The following LUZP2 variants were observed in gnomAD, a reference collection of about 807,000 sequenced individuals.
LUZP2 encodes the protein leucine zipper protein 2.
Under a neutral mutation model 51.6 loss-of-function variants are expected in LUZP2, and 52 were observed. The ratio of observed to expected loss-of-function variants is 1.01; its 90% CI spans 0.81 to 1.27. LUZP2 has a LOEUF of 1.27. Ranked by LOEUF, LUZP2 falls within the 50% of genes most tolerant of loss-of-function variation. The pLI is 0.00. For synonymous variants in LUZP2, 154 were observed against 137.3 expected (o/e 1.12, Z -0.85); for missense variants, 436 against 395.4 (o/e 1.10, Z -0.87).
intron 5 of LUZP2, among the ~76,000 whole-genome samples, chr11:24,885,337 A>G (rs181143544): frequency 7.2e-5 from 11 of 152,270 alleles, no homozygotes; most frequent in Admixed American, 2.6e-4. Context: ...ACATTGTGCC[A>G]GCTTCTGATA....
intron 7 of LUZP2, among the ~76,000 whole-genome samples, chr11:24,965,241 A>G (rs79849584): frequency 0.08 from 11,920 of 148,328 alleles, 1,627 homozygotes; most frequent in African/African-American, 0.28. Flanking sequence ...AATTCTAGAC[A>G]TGTAATTCAA....
At chr11:25,012,917 T>A (rs1227611249) in intron 9 of LUZP2, among the ~76,000 whole-genome samples, 2 of 152,132 alleles carry the variant, frequency 1.3e-5, no homozygotes, top group Non-Finnish European at 2.9e-5. Flanking sequence ...TGGATACCTG[T>A]ACTCAGATAT....
intron 6 of LUZP2, among the ~76,000 whole-genome samples, chr11:24,913,400 C>G (rs1340310610): frequency 2.6e-5 from 4 of 152,118 alleles, no homozygotes; most frequent in Non-Finnish European, 4.4e-5. Flanking sequence ...CATGGATATA[C>G]TACAATTTAT....
At chr11:24,558,184 G>A (rs76223496) in intron 1 of LUZP2, among the ~76,000 whole-genome samples, 1,648 of 152,164 alleles carry the variant, frequency 0.011, 23 homozygotes, top group African/African-American at 0.038. Context: ...GCTCACACCA[G>A]TGGCCCCCAG....
intron 4 of LUZP2, among the ~76,000 whole-genome samples, chr11:24,754,751 G>A (rs1355164422): frequency 6.6e-6 from 1 of 152,096 alleles, no homozygotes; most frequent in African/African-American, 2.4e-5. Context: ...CATTTCTTCA[G>A]GAATAAATTC....
intron 1 of LUZP2, among the ~76,000 whole-genome samples, chr11:24,584,345 C>CCTCCAG (rs1301442697): frequency 6.6e-6 from 1 of 152,164 alleles, no homozygotes; most frequent in Non-Finnish European, 1.5e-5. Flanking sequence ...TTCTAATTAT[C>CCTCCAG]CTCCAGTATT....
chr11:24,950,820 A>G (rs1229801399), intron 7 of LUZP2, among the ~76,000 whole-genome samples: 2 of 151,578 alleles, frequency 1.3e-5, no homozygotes, highest in Admixed American at 6.6e-5. Flanking sequence ...TGAGAAGGAA[A>G]TCTCAGTGAG....
At chr11:24,748,133 T>C (rs1434227342) in intron 4 of LUZP2, among the ~76,000 whole-genome samples, 1 of 152,122 alleles carries the variant, frequency 6.6e-6, no homozygotes, top group Non-Finnish European at 1.5e-5. Context: ...CTTCCTGTGG[T>C]GTTTCCCCTG....
intron 7 of LUZP2, among the ~76,000 whole-genome samples, chr11:24,965,449 TAGCC>T (rs1323548679): frequency 1.3e-5 from 2 of 151,664 alleles, no homozygotes; most frequent in African/African-American, 4.8e-5. Context: ...CAAAATTTGA[TAGCC>T]ATTGAAATCA....
chr11:24,640,248 G>A (rs1215935458), intron 1 of LUZP2, among the ~76,000 whole-genome samples: 1 of 151,896 alleles, frequency 6.6e-6, no homozygotes, highest in Non-Finnish European at 1.5e-5. Context: ...TCCTGTGTAT[G>A]TTTAGTCAAG....
chr11:24,780,559 A>T (rs1438445555), intron 5 of LUZP2, among the ~76,000 whole-genome samples: 1 of 152,172 alleles, frequency 6.6e-6, no homozygotes, highest in Non-Finnish European at 1.5e-5. Context: ...GATATATAAC[A>T]ACAACATGCC....
At chr11:24,980,551 G>T (rs1405332489) in intron 8 of LUZP2, among the ~76,000 whole-genome samples, 6 of 151,492 alleles carry the variant, frequency 4.0e-5, no homozygotes, top group Non-Finnish European at 8.8e-5. Flanking sequence ...AGCGTGTGTT[G>T]TGTTAGAAAC....
chr11:24,776,623 G>A (rs898050847), intron 5 of LUZP2, among the ~76,000 whole-genome samples: 2 of 152,082 alleles, frequency 1.3e-5, no homozygotes, highest in African/African-American at 2.4e-5. Flanking sequence ...CATATGTGAT[G>A]TATTCACATT....
intron 1 of LUZP2, among the ~76,000 whole-genome samples, chr11:24,710,090 T>G (rs1185531479): frequency 2.0e-5 from 3 of 152,142 alleles, no homozygotes; most frequent in Non-Finnish European, 4.4e-5. Flanking sequence ...CAGACCCACT[T>G]AACATTTTAA....
At chr11:25,019,130 G>A (rs943706018) in intron 9 of LUZP2, among the ~76,000 whole-genome samples, 1 of 152,098 alleles carries the variant, frequency 6.6e-6, no homozygotes, top group African/African-American at 2.4e-5. Context: ...ATTAGCGTTT[G>A]CTCTTGGTGT....
chr11:24,506,381 A>G (rs1197292922), intron 1 of LUZP2, among the ~76,000 whole-genome samples: 1 of 152,150 alleles, frequency 6.6e-6, no homozygotes, highest in East Asian at 1.9e-4. Context: ...AAACAAGAAA[A>G]TGCATGAAAA....
intron 5 of LUZP2, among the ~76,000 whole-genome samples, chr11:24,864,488 C>T (rs935685376): frequency 1.3e-5 from 2 of 152,134 alleles, no homozygotes; most frequent in Non-Finnish European, 2.9e-5. Flanking sequence ...CTAAGTTAAT[C>T]TAGGCATATA....
intron 9 of LUZP2, among the ~76,000 whole-genome samples, chr11:24,990,456 G>A (rs148260995): frequency 1.4e-3 from 207 of 152,074 alleles, no homozygotes; most frequent in Admixed American, 4.0e-3. Flanking sequence ...TCTCACTGAT[G>A]GGGAAAATAT....
chr11:24,898,123 C>T lies in LUZP2; in HGVS notation c.397-7868C>T, dbSNP rs186498511. ...ATGTATTTTCAAAATTGTACAACTC[C>T]TATTCATACACTTTTATATTTGGTA... On this transcript the variant is annotated intron_variant, in intron 5 of 11. Transcript: ENST00000336930. 2.0e-4 allele frequency among the ~76,000 whole-genome samples: 30 copies of T among 152,078 alleles called. No homozygotes were observed. The East Asian group carries it at 5.2e-3, about 26-fold the overall frequency.
Sources: allele counts gnomAD v4.1 joint callset (sites outside exome capture counted in the v4.1 genomes callset), GRCh38; gene constraint gnomAD v4.1.1; transcripts MANE v1.5; gene names NCBI Gene and HGNC (gene_info 2026-07-23, HGNC 2026-07-21).